Variants in TRPM2 observed in about 807,000 individuals in gnomAD.
TRPM2 encodes the protein estrogen-responsive element-associated gene 1 protein.
In TRPM2, 161 loss-of-function variants were observed where a neutral mutation model predicts 174.0. The ratio of observed to expected loss-of-function variants is 0.93; its 90% CI spans 0.81 to 1.05. The LOEUF is 1.05. Ranked by LOEUF, TRPM2 falls within the 50% of genes least tolerant of loss-of-function variation. The pLI, the probability that TRPM2 is intolerant of heterozygous loss-of-function variation, is 0.00. For missense variants in TRPM2, 2,057 were observed against 2,038.0 expected (o/e 1.01, Z -0.18); for synonymous variants, 954 against 861.3 (o/e 1.11, Z -1.88).
chr21:44,353,732 C>G lies in TRPM2; in HGVS notation c.32C>G (p.Ser11Trp), dbSNP rs201550964. MEPSALRKAG[S>W]EQEEGFEGLP... ...CCCTCAGCCCTGAGGAAAGCTGGCT[C>G]GGAGCAGGAGGAGGGCTTTGAGGGG... The change falls in exon 1 of 32, where the codon TCG (serine) becomes TGG (tryptophan). Residue 11 changes from serine (S) to tryptophan (W), a missense_variant. Transcript: ENST00000397928. 8.3e-5 allele frequency: 130 copies of G among 1,568,146 alleles called. No homozygotes were observed. Among genetic ancestry groups the G allele is most frequent in the Non-Finnish European group, 8.2e-5 (95 of 1,161,164 alleles).
At chr21:44,375,358 G>T (rs903778527) in intron 5 of TRPM2, among the ~76,000 whole-genome samples, 6 of 152,228 alleles carry the variant, frequency 3.9e-5, no homozygotes, top group Non-Finnish European at 8.8e-5. Flanking sequence ...TGTTGCAGCA[G>T]CAGCCCACTT....
chr21:44,394,169 G>A (rs1040541380), intron 11 of TRPM2, among the ~76,000 whole-genome samples: 7 of 151,976 alleles, frequency 4.6e-5, no homozygotes, highest in African/African-American at 1.2e-4. Flanking sequence ...GTGCCAGGCC[G>A]GGTATGGCTT....
chr21:44,437,006 A>G, intron 28 of TRPM2, 56 bp from the exon 29 acceptor site: 3 of 1,482,478 alleles, frequency 2.0e-6, no homozygotes, highest in Non-Finnish European at 2.7e-6. Context: ...GCCGCGGCGC[A>G]GGGGAGGGTG....
intron 16 of TRPM2, among the ~76,000 whole-genome samples, 190 bp from the exon 17 acceptor site, chr21:44,404,952 A>G (rs112592614): frequency 1.5e-5 from 2 of 134,564 alleles, no homozygotes; most frequent in African/African-American, 5.2e-5. Context: ...TGATAGTGAC[A>G]GTGACTGTGA....
rs955908269 is a variant in TRPM2 at position 44,354,908 on chromosome 21, C to T, written c.254+172C>T. ...GCATTTCCACCTAACCCTTGCAAGC[C>T]TCCTGTCGGGGACAGTTGACCCTCA... On this transcript the variant is annotated intron_variant, in intron 2 of 31. Transcript: ENST00000397928. The surrounding 1 kb of genome is among the most constrained non-coding windows in gnomAD (Gnocchi z 4.3). Among the ~76,000 whole-genome samples the T allele has an allele frequency of 6.6e-6, 1 of 152,180 alleles. No individual in the cohort carries two copies. Among genetic ancestry groups the T allele is most frequent in the South Asian group, 2.1e-4 (1 of 4,832 alleles).
In TRPM2 at chr21:44,418,534, A is replaced by G. The variant is rs1213395437; in HGVS notation, c.3440A>G (p.Lys1147Arg). Residue 1147 changes from lysine (K) to arginine (R), a missense_variant, in exon 22 of 32, where the codon AAG becomes AGG. Coordinates refer to ENST00000397928, the MANE Select transcript of TRPM2 (RefSeq NM_003307.4). Reference protein sequence around the residue: ...QFQQKQRPEQKIEDISNKVDA... With the variant: ...QFQQKQRPEQRIEDISNKVDA... The stretch of plus-strand genomic sequence containing the variant: ...CAGCAAAAGCAGCGGCCCGAGCAGA[A>G]GATCGAGGACATCAGCAATAAGTAT... 1 of 1,614,106 alleles carries G rather than the reference A, an allele frequency of 6.2e-7. No homozygotes were observed. The highest frequency in any genetic ancestry group is 1.7e-5 in the Admixed American group (1 of 60,024).
At chr21:44,427,966 G>A (rs1259160867) in intron 27 of TRPM2, among the ~76,000 whole-genome samples, 2 of 152,046 alleles carry the variant, frequency 1.3e-5, no homozygotes, top group African/African-American at 2.4e-5. Flanking sequence ...GGAAGCTGAC[G>A]AGGAGAGCAG....
In TRPM2 at chr21:44,367,450, C is replaced by G. The variant is rs1186831052; in HGVS notation, c.604+516C>G. On this transcript the variant is annotated intron_variant, in intron 4 of 31. Transcript: ENST00000397928. The surrounding 1 kb of genome is among the most constrained non-coding windows in gnomAD (Gnocchi z 4.6). The stretch of plus-strand genomic sequence containing the variant: ...ATTTCCATCTCTTCACTTAAGGCAA[C>G]TGCCTGGTTGGAGTCAAATCACCTC... 1.3e-5 allele frequency among the ~76,000 whole-genome samples: 2 copies of G among 152,214 alleles called. No homozygotes were observed. The highest frequency in any genetic ancestry group is 4.8e-5 in the African/African-American group (2 of 41,460).
intron 28 of TRPM2, among the ~76,000 whole-genome samples, chr21:44,435,987 C>T (rs2051248030): frequency 2.0e-5 from 3 of 149,988 alleles, no homozygotes; most frequent in Non-Finnish European, 4.4e-5. Flanking sequence ...CACAGGGACA[C>T]AGCCCCACAC....
Position 44,413,877 on chromosome 21 carries a change from A to G in TRPM2, c.2963-14A>G. ...TTGTTTTCTTGGCTCACCCACCCCC[A>G]TTCCCAACGCCAGGTGTGAACTTCA... On this transcript the variant is annotated splice_polypyrimidine_tract_variant and intron_variant, in intron 19 of 31. Coordinates refer to ENST00000397928, the MANE Select transcript of TRPM2 (RefSeq NM_003307.4). 6.2e-7 allele frequency: 1 copy of G among 1,603,162 alleles called. No homozygotes were observed. Among genetic ancestry groups the G allele is most frequent in the South Asian group, 1.1e-5 (1 of 90,716 alleles).
At chr21:44,364,589 GC>G (rs1476380685) in intron 3 of TRPM2, among the ~76,000 whole-genome samples, 1 of 152,166 alleles carries the variant, frequency 6.6e-6, no homozygotes, top group Non-Finnish European at 1.5e-5. Flanking sequence ...ATTTGTCAGG[GC>G]CTGGGAGGGA....
At chr21:44,379,759 A>AC (rs1202345477) in intron 8 of TRPM2, among the ~76,000 whole-genome samples, 3 of 152,154 alleles carry the variant, frequency 2.0e-5, no homozygotes. Context: ...CAAGCCCTTG[A>AC]CCAGGGGGGT....
chr21:44,409,583 G>A (rs1279527388), intron 19 of TRPM2, among the ~76,000 whole-genome samples: 7 of 144,572 alleles, frequency 4.8e-5, no homozygotes, highest in East Asian at 2.2e-4. Context: ...AGTTTTGACC[G>A]CACTGTCTTG....
At chr21:44,372,759 C>T (rs999834359) in intron 5 of TRPM2, among the ~76,000 whole-genome samples, 2 of 152,148 alleles carry the variant, frequency 1.3e-5, no homozygotes, top group African/African-American at 4.8e-5. Context: ...CAGGCAATTC[C>T]AAAACCCGGC....
rs1289467277 is a variant in TRPM2, at chr21:44,438,026, C to T, written c.4167+859C>T. ...CCCGAGCTCACGGCCTGGTGGCTGC[C>T]TCTGCTGCTGTGGGAGTGTGTGTGC... On this transcript the variant is annotated intron_variant, in intron 29 of 31. Transcript: ENST00000397928. The surrounding 1 kb of genome is among the most constrained non-coding windows in gnomAD (Gnocchi z 5.9). 1.3e-5 allele frequency among the ~76,000 whole-genome samples: 2 copies of T among 152,280 alleles called. No homozygotes were observed. The highest frequency in any genetic ancestry group is 2.4e-5 in the African/African-American group (1 of 41,476).
intron 9 of TRPM2, among the ~76,000 whole-genome samples, chr21:44,384,806 T>TA (rs1438808393): frequency 3.9e-5 from 6 of 152,174 alleles, no homozygotes; most frequent in Non-Finnish European, 8.8e-5. Flanking sequence ...GAATCAGTAA[T>TA]AAAAAATCTC....
intron 9 of TRPM2, among the ~76,000 whole-genome samples, chr21:44,387,249 C>T (rs776819134): frequency 1.9e-4 from 29 of 152,272 alleles, no homozygotes; most frequent in East Asian, 5.8e-4. Flanking sequence ...AATAAACCCT[C>T]GCATATATGG....
Position 44,366,134 on chromosome 21 carries a change from G to A in TRPM2, c.424-620G>A, listed in dbSNP as rs911029557. The stretch of plus-strand genomic sequence containing the variant: ...ACTTGGGAGGGTCTCCTGGAGGACG[G>A]GGGGCCAGAGTGACGACAGAACCTG... On this transcript the variant is annotated intron_variant, in intron 3 of 31. Transcript: ENST00000397928. This position sits in a 1 kb window ranked among gnomAD's most constrained non-coding sequence, Gnocchi z 6.0. Among the ~76,000 whole-genome samples, 2 of 152,172 alleles carry A rather than the reference G, an allele frequency of 1.3e-5. No homozygotes were observed. The highest frequency in any genetic ancestry group is 6.5e-5 in the Admixed American group (1 of 15,274).
upstream of TRPM2, among the ~76,000 whole-genome samples, chr21:44,350,593 T>TAA (rs1435368965): frequency 2.1e-5 from 1 of 46,930 alleles, no homozygotes; most frequent in African/African-American, 1.0e-4. Flanking sequence ...GGGGCGCGGG[T>TAA]GGGGCTCGAG....
Sources: gnomAD v4.1 joint callset for allele counts (sites outside exome capture counted in the v4.1 genomes callset) on GRCh38, gnomAD v4.1.1 for gene constraint, Gnocchi (gnomAD v3.1) non-coding constraint, MANE v1.5 for transcripts, NCBI Gene and HGNC (gene_info 2026-07-23, HGNC 2026-07-21) for gene names.